The following CATSPERB variants were observed in gnomAD, a reference collection of about 807,000 sequenced individuals.
CATSPERB encodes catsper channel auxiliary subunit beta.
Under a neutral mutation model 128.3 loss-of-function variants are expected in CATSPERB, and 93 were observed. That is an observed-to-expected ratio of 0.72 (90% CI 0.61 to 0.86). The LOEUF (loss-of-function observed/expected upper bound fraction) is 0.86. Among genes scored for constraint, CATSPERB ranks in the 40% least tolerant of loss-of-function variants. The probability of loss-of-function intolerance (pLI) is 0.00; values close to 1 mark genes in which losing one functional copy is unlikely to be tolerated. For synonymous variants in CATSPERB, 381 were observed against 448.8 expected (o/e 0.85, Z 1.91); for missense variants, 1,153 against 1,329.5 (o/e 0.87, Z 2.06).
intron 10 of CATSPERB, among the ~76,000 whole-genome samples, chr14:91,690,942 G>C (rs1895459168): frequency 6.6e-6 from 1 of 152,206 alleles, no homozygotes; most frequent in Non-Finnish European, 1.5e-5. Context: ...TCCAACCGAA[G>C]CATGCTTATA....
chr14:91,631,200 T>G (rs529612132), intron 17 of CATSPERB, among the ~76,000 whole-genome samples: 2 of 152,250 alleles, frequency 1.3e-5, no homozygotes, highest in African/African-American at 4.8e-5. Flanking sequence ...TTGTCTATCT[T>G]GTTTACCACT....
chr14:91,591,621 TGTGTGG>T (rs1271740900), intron 23 of CATSPERB, among the ~76,000 whole-genome samples: 1 of 151,812 alleles, frequency 6.6e-6, no homozygotes, highest in Non-Finnish European at 1.5e-5. Context: ...CACAGGGGTG[TGTGTGG>T]GTGTGGGTGT....
rs189541509 is a variant in CATSPERB at position 91,610,727 on chromosome 14, T to C, written c.2401-50A>G. 72 of 1,548,124 alleles carry C rather than the reference T, an allele frequency of 4.7e-5. No individual in the cohort carries two copies. In the Middle Eastern group the frequency reaches 3.6e-3, roughly 76 times the overall value. ...GTTATTTAAAGTAACTGTTATGGAC[T>C]GAACTGTGTCCAACCAAAAATCACA... On this transcript the variant is annotated intron_variant, in intron 20 of 26. Transcript: ENST00000256343.
At chr14:91,591,825 A>C in intron 23 of CATSPERB, 67 bp downstream of exon 23, 6 of 1,059,386 alleles carry the variant, frequency 5.7e-6, no homozygotes. Flanking sequence ...GTTTAACCTA[A>C]AGGCACATTT....
chr14:91,596,727 G>T (rs549701705), intron 22 of CATSPERB, among the ~76,000 whole-genome samples: 1 of 152,078 alleles, frequency 6.6e-6, no homozygotes, highest in Non-Finnish European at 1.5e-5. Context: ...TTGGAACAAA[G>T]TTAGCTATGT....
chr14:91,673,848 G>A (rs926185432), intron 12 of CATSPERB, among the ~76,000 whole-genome samples: 12 of 150,690 alleles, frequency 8.0e-5, no homozygotes, highest in East Asian at 3.9e-4. Context: ...ATGCCACTGC[G>A]CTCCAGCCTG....
At chr14:91,624,655 A>C (rs9671759) in intron 18 of CATSPERB, among the ~76,000 whole-genome samples, 165 bp downstream of exon 18, 2 of 152,170 alleles carry the variant, frequency 1.3e-5, no homozygotes, top group Non-Finnish European at 2.9e-5. Context: ...AAAAAAAAAA[A>C]CAAAAAACTT....
chr14:91,690,151 T>C (rs1895441950), intron 10 of CATSPERB, among the ~76,000 whole-genome samples: 2 of 151,884 alleles, frequency 1.3e-5, no homozygotes, highest in African/African-American at 4.8e-5. Flanking sequence ...TACCAACATA[T>C]CTGGCTAATT....
Position 91,610,611 on chromosome 14 carries a change from G to T in CATSPERB, c.2467C>A (p.Pro823Thr). 6.2e-7 allele frequency: 1 copy of T among 1,614,052 alleles called. No individual in the cohort carries two copies. Among genetic ancestry groups the T allele is most frequent in the Non-Finnish European group, 8.5e-7 (1 of 1,179,998 alleles). The change falls in exon 21 of 27, where the codon CCA (proline) becomes ACA (threonine). Residue 823 changes from proline (P) to threonine (T), a missense_variant. Transcript: ENST00000256343. ...STECFVTTMV[P>T]TLKSSCSYLR... ...TAACTACAGCTGCTTTTCAGTGTTG[G>T]CACCATTGTCGTAACAAAGCACTCA...
chr14:91,731,989 T>G lies in CATSPERB; in HGVS notation c.-60A>C, dbSNP rs1480961451. The G allele has an allele frequency of 6.6e-6, 1 of 152,652 alleles. No individual in the cohort carries two copies. The highest frequency in any genetic ancestry group is 1.9e-4 in the East Asian group (1 of 5,206). The allele number at this position is 152,652 out of a possible 1,614,324, so 9.5% of individuals were successfully genotyped here. A position where few individuals can be genotyped will look rare whatever the true frequency, so the allele number is the denominator to read the frequency against. ...TTTTTTATATTTTTTCTCAGTTTTCTTCCATATAGACTGAGAAGAAAGACC... is the reference window on the plus strand; with the variant it reads ...TTTTTTATATTTTTTCTCAGTTTTCGTCCATATAGACTGAGAAGAAAGACC... On this transcript the variant is annotated 5_prime_UTR_variant, in exon 1 of 27. Coordinates refer to ENST00000256343, the MANE Select transcript of CATSPERB (RefSeq NM_024764.4).
At chr14:91,620,369 A>G (rs1298989) in intron 19 of CATSPERB, among the ~76,000 whole-genome samples, 112,960 of 151,924 alleles carry the variant, frequency 0.74, 42,545 homozygotes, top group East Asian at 0.97. Context: ...CTGCCTTATG[A>G]TCAGTATCTG....
intron 22 of CATSPERB, among the ~76,000 whole-genome samples, chr14:91,599,925 A>T (rs1893581606): frequency 6.6e-6 from 1 of 152,230 alleles, no homozygotes; most frequent in African/African-American, 2.4e-5. Flanking sequence ...GTTTGCCCTA[A>T]GCAGTTCCCA....
intron 5 of CATSPERB, among the ~76,000 whole-genome samples, chr14:91,716,734 C>T (rs2139775459): frequency 6.6e-6 from 1 of 151,828 alleles, no homozygotes; most frequent in East Asian, 1.9e-4. Context: ...CACACACACA[C>T]ACACACACAC....
chr14:91,699,156 C>T lies in CATSPERB; in HGVS notation c.616+5396G>A, dbSNP rs113269346. On this transcript the variant is annotated intron_variant, in intron 7 of 26. Transcript: ENST00000256343. ...ATCTTTGCAATTGTGAATTGTGCTG[C>T]TATAAACATATGTGTGCAAGTGTCT... 4.5e-3 allele frequency among the ~76,000 whole-genome samples: 691 copies of T among 152,288 alleles called. 10 individuals carry two copies. Among genetic ancestry groups the T allele is most frequent in the African/African-American group, 0.016 (646 of 41,560 alleles).
chr14:91,716,550 C>T (rs1895942548), intron 5 of CATSPERB, among the ~76,000 whole-genome samples: 1 of 152,030 alleles, frequency 6.6e-6, no homozygotes, highest in South Asian at 2.1e-4. Flanking sequence ...TGCACTCCAG[C>T]CTGGGCAACA....
At chr14:91,674,297 A>G in intron 11 of CATSPERB, 75 bp from the exon 12 acceptor site, 1 of 822,492 alleles carries the variant, frequency 1.2e-6, no homozygotes, top group Non-Finnish European at 2.0e-6. Context: ...TAGTCTTAAT[A>G]GTCTTCATGA....
chr14:91,610,970 G>A (rs375204929), intron 20 of CATSPERB, among the ~76,000 whole-genome samples: 1 of 152,206 alleles, frequency 6.6e-6, no homozygotes, highest in Middle Eastern at 3.4e-3. Context: ...CACAAGCCAA[G>A]TAGGGGGGCT....
intron 10 of CATSPERB, among the ~76,000 whole-genome samples, chr14:91,685,910 T>C (rs1351078211): frequency 6.6e-6 from 1 of 152,232 alleles, no homozygotes; most frequent in African/African-American, 2.4e-5. Context: ...ATTTTAATTT[T>C]ATCCTTAAAG....
chr14:91,608,960 A>G (rs941843), intron 21 of CATSPERB, among the ~76,000 whole-genome samples: 102,288 of 152,054 alleles, frequency 0.67, 35,151 homozygotes, highest in Admixed American at 0.77. Flanking sequence ...ACTGTTGACC[A>G]GAAGTCTTAC....
Sources: allele counts gnomAD v4.1 joint callset (sites outside exome capture counted in the v4.1 genomes callset), GRCh38; gene constraint gnomAD v4.1.1; transcripts MANE v1.5; gene names NCBI Gene and HGNC (gene_info 2026-07-23, HGNC 2026-07-21).